SSPN: variants seen among roughly 807,000 people sequenced by gnomAD.
SSPN encodes the protein K-ras oncogene-associated protein.
A neutral mutation model predicts 19.1 loss-of-function variants in SSPN; 15 were observed. The observed-to-expected ratio is 0.78, with a 90% CI of 0.52 to 1.21. SSPN has a LOEUF of 1.21. Ranked by LOEUF, SSPN falls within the 50% of genes most tolerant of loss-of-function variation. The probability of loss-of-function intolerance (pLI) is 0.00; values close to 1 mark genes in which losing one functional copy is unlikely to be tolerated. For missense variants in SSPN, 291 were observed against 314.0 expected (o/e 0.93, Z 0.55); for synonymous variants, 147 against 140.3 (o/e 1.05, Z -0.34).
chr12:26,174,721 A>T (rs908918920), intron 1 of SSPN, among the ~76,000 whole-genome samples: 2 of 151,990 alleles, frequency 1.3e-5, no homozygotes, highest in Non-Finnish European at 2.9e-5. Flanking sequence ...GGGTTTCACC[A>T]TGTTGGCCAG....
intron 1 of SSPN, among the ~76,000 whole-genome samples, chr12:26,167,036 C>G (rs1325912264): frequency 2.0e-5 from 3 of 152,162 alleles, no homozygotes; most frequent in African/African-American, 4.8e-5. Flanking sequence ...AGGGCAATAA[C>G]TAGCTACCAA....
At chr12:26,153,778 C>T (rs1944539625) in intron 1 of SSPN, among the ~76,000 whole-genome samples, 1 of 152,186 alleles carries the variant, frequency 6.6e-6, no homozygotes, top group African/African-American at 2.4e-5. Context: ...TGCTGAGTAG[C>T]TGATATCCCA....
intron 1 of SSPN, among the ~76,000 whole-genome samples, chr12:26,140,553 G>T (rs975077885): frequency 2.0e-5 from 3 of 152,164 alleles, no homozygotes; most frequent in Admixed American, 2.0e-4. Flanking sequence ...TTGGAAAAGG[G>T]GCCGCGGGGG....
chr12:26,140,521 T>C (rs1032735912), intron 1 of SSPN, among the ~76,000 whole-genome samples: 4 of 152,180 alleles, frequency 2.6e-5, no homozygotes, highest in African/African-American at 4.8e-5. Context: ...CCAAATCTCA[T>C]GTTGAATTGT....
At chr12:26,169,197 T>G (rs1944639769) in intron 1 of SSPN, among the ~76,000 whole-genome samples, 1 of 152,170 alleles carries the variant, frequency 6.6e-6, no homozygotes, top group Admixed American at 6.5e-5. Flanking sequence ...CTACTAACTT[T>G]TTTTTTTGTT....
chr12:26,174,122 A>G (rs1944668985), intron 1 of SSPN, among the ~76,000 whole-genome samples: 1 of 152,204 alleles, frequency 6.6e-6, no homozygotes, highest in Admixed American at 6.5e-5. Flanking sequence ...CCCTGCTTAA[A>G]CCCAGTAAAG....
intron 1 of SSPN, among the ~76,000 whole-genome samples, chr12:26,168,801 T>G (rs1490831170): frequency 6.6e-6 from 1 of 152,168 alleles, no homozygotes; most frequent in East Asian, 1.9e-4. Context: ...ATTGGTTAGA[T>G]GGAGGGCATT....
intron 1 of SSPN, among the ~76,000 whole-genome samples, chr12:26,217,121 G>A (rs1471369380): frequency 1.2e-3 from 145 of 125,606 alleles, no homozygotes; most frequent in East Asian, 3.0e-3. Flanking sequence ...GAAAGGCATT[G>A]GTAGCTTGAT....
At chr12:26,230,215 T>C (rs1193952754) in intron 2 of SSPN, among the ~76,000 whole-genome samples, 2 of 152,220 alleles carry the variant, frequency 1.3e-5, no homozygotes, top group African/African-American at 2.4e-5. Flanking sequence ...ACATTGAATG[T>C]AGTCTTTTAA....
intron 2 of SSPN, among the ~76,000 whole-genome samples, chr12:26,229,393 C>T (rs1291583781): frequency 1.3e-5 from 2 of 152,182 alleles, no homozygotes; most frequent in African/African-American, 2.4e-5. Flanking sequence ...CATACATGCA[C>T]ACATACCACT....
intron 1 of SSPN, among the ~76,000 whole-genome samples, chr12:26,208,025 G>T (rs570779598): frequency 8.6e-5 from 13 of 151,036 alleles, no homozygotes; most frequent in African/African-American, 2.4e-4. Flanking sequence ...TGGTGGGGGG[G>T]GGGGATATAT....
At chr12:26,186,882 C>G (rs1343031545) in intron 1 of SSPN, among the ~76,000 whole-genome samples, 1 of 152,192 alleles carries the variant, frequency 6.6e-6, no homozygotes, top group African/African-American at 2.4e-5. Flanking sequence ...CTTGCTTCAG[C>G]TGTAATTGTT....
intron 1 of SSPN, among the ~76,000 whole-genome samples, chr12:26,186,914 T>C (rs1944757758): frequency 6.6e-6 from 1 of 152,224 alleles, no homozygotes; most frequent in African/African-American, 2.4e-5. Context: ...AATAATGTTA[T>C]CAAGCCTCTC....
chr12:26,177,995 G>A (rs1944695073), intron 1 of SSPN, among the ~76,000 whole-genome samples: 1 of 152,170 alleles, frequency 6.6e-6, no homozygotes. Context: ...TCACTGACTG[G>A]CCTATGGGTC....
Position 26,231,060 on chromosome 12 carries a change from C to T in SSPN, c.716C>T (p.Pro239Leu). Reference sequence around the variant, plus strand: ...TGCTCCCTCACGGCTTCCGAAGGCCCCCAGCAAAAGATCTAACATTCTTGC... The same window carrying T: ...TGCTCCCTCACGGCTTCCGAAGGCCTCCAGCAAAAGATCTAACATTCTTGC... ...RICSLTASEGPQQKI is the reference protein window; with the variant it reads ...RICSLTASEGLQQKI The change falls in exon 3 of 3, where the codon CCC becomes CTC. Residue 239 changes from proline to leucine, a missense_variant. Pro to Leu is a moderately conservative substitution (Grantham distance 98). Coordinates refer to ENST00000242729, the MANE Select transcript of SSPN (RefSeq NM_005086.5). 2 of 1,612,906 alleles carry T rather than the reference C, an allele frequency of 1.2e-6. No homozygotes were observed. Among genetic ancestry groups the T allele is most frequent in the East Asian group, 2.2e-5 (1 of 44,834 alleles).
At chr12:26,205,311 T>C (rs1484729884) in intron 1 of SSPN, among the ~76,000 whole-genome samples, 1 of 152,194 alleles carries the variant, frequency 6.6e-6, no homozygotes, top group Non-Finnish European at 1.5e-5. Context: ...TTAAGATATG[T>C]TATTATCAAG....
intron 2 of SSPN, among the ~76,000 whole-genome samples, chr12:26,226,548 T>C (rs1382311486): frequency 6.6e-6 from 1 of 152,052 alleles, no homozygotes; most frequent in African/African-American, 2.4e-5. Context: ...GTTCGGGGAT[T>C]GGGGGTAGGG....
chr12:26,129,903 C>G (rs995036252), intron 1 of SSPN, among the ~76,000 whole-genome samples: 1 of 152,164 alleles, frequency 6.6e-6, no homozygotes, highest in African/African-American at 2.4e-5. Context: ...TTCTGCATTT[C>G]ACGTGTGCTC....
intron 1 of SSPN, among the ~76,000 whole-genome samples, chr12:26,159,264 G>A (rs1944573580): frequency 6.6e-6 from 1 of 152,210 alleles, no homozygotes; most frequent in Non-Finnish European, 1.5e-5. Flanking sequence ...GCCACAGAGG[G>A]GCCCCAAGGC....
Sources: gnomAD v4.1 joint callset for allele counts (sites outside exome capture counted in the v4.1 genomes callset) on GRCh38, gnomAD v4.1.1 for gene constraint, MANE v1.5 for transcripts, NCBI Gene and HGNC (gene_info 2026-07-23, HGNC 2026-07-21) for gene names.